NAPB: variants seen among roughly 807,000 people sequenced by gnomAD.
NAPB encodes NSF attachment protein beta.
NAPB carries 26 observed loss-of-function variants against 44.7 expected under a neutral mutation model. That is an observed-to-expected ratio of 0.58 (90% CI 0.43 to 0.81). The LOEUF is 0.81. NAPB is among the 30% of genes least tolerant of loss of function. The pLI is 0.00. For synonymous variants in NAPB, 120 were observed against 116.8 expected (o/e 1.03, Z -0.18); for missense variants, 315 against 356.4 (o/e 0.88, Z 0.94).
At chr20:23,401,874 C>CT (rs1160288942) in intron 2 of NAPB, among the ~76,000 whole-genome samples, 1 of 152,152 alleles carries the variant, frequency 6.6e-6, no homozygotes, top group African/African-American at 2.4e-5. Context: ...GAGTGAGACT[C>CT]TGTCTCGAAT....
intron 1 of NAPB, among the ~76,000 whole-genome samples, chr20:23,404,371 G>T (rs79614827): frequency 2.6e-5 from 4 of 152,162 alleles, no homozygotes; most frequent in Non-Finnish European, 5.9e-5. Flanking sequence ...ACATGAAAGA[G>T]TGCACACACG....
At chr20:23,382,685 G>A (rs1983112772) in intron 7 of NAPB, among the ~76,000 whole-genome samples, 1 of 151,474 alleles carries the variant, frequency 6.6e-6, no homozygotes, top group African/African-American at 2.4e-5. Flanking sequence ...CATAAAAAGT[G>A]GGTGGGCTCA....
In NAPB at chr20:23,421,285, A is replaced by T; in HGVS notation, c.98+20T>A. 6.8e-7 allele frequency: 1 copy of T among 1,480,466 alleles called. No individual in the cohort carries two copies. The highest frequency in any genetic ancestry group is 9.2e-7 in the Non-Finnish European group (1 of 1,085,962). The allele number at this position is 1,480,466 out of a possible 1,614,324, so 91.7% of individuals were successfully genotyped here. A position where few individuals can be genotyped will look rare whatever the true frequency, so the allele number is the denominator to read the frequency against. On this transcript the variant is annotated intron_variant, in intron 1 of 10. Coordinates refer to ENST00000377026, the MANE Select transcript of NAPB (RefSeq NM_022080.3). ...TACGGAGACCCCCCCCCCCCAGGGC[A>T]CGCACGGTCTGGCGCTCACCCAAAC...
intron 2 of NAPB, among the ~76,000 whole-genome samples, chr20:23,397,676 A>C (rs1000519003): frequency 2.6e-5 from 4 of 152,274 alleles, no homozygotes; most frequent in Non-Finnish European, 4.4e-5. Flanking sequence ...TTTCCTAAAA[A>C]GTGAAAATCA....
At chr20:23,401,239 T>C (rs1443944523) in intron 2 of NAPB, among the ~76,000 whole-genome samples, 2 of 152,178 alleles carry the variant, frequency 1.3e-5, no homozygotes, top group African/African-American at 4.8e-5. Context: ...TTTGGAATGA[T>C]ATGACCTTAC....
Position 23,376,594 on chromosome 20 carries a change from T to C in NAPB, c.*782A>G, listed in dbSNP as rs1448709870. The stretch of plus-strand genomic sequence containing the variant: ...GCCAATTAAAATACTTCAATGTAAA[T>C]ATAAAGGGATTTCCACTCCAACTAA... On this transcript the variant is annotated 3_prime_UTR_variant, in exon 11 of 11. Transcript: ENST00000377026. The C allele has an allele frequency of 2.0e-5, 3 of 152,218 alleles. No individual in the cohort carries two copies. In the South Asian group the frequency reaches 6.2e-4, roughly 32 times the overall value. The allele number at this position is 152,218 out of a possible 1,614,324, so 9.4% of individuals were successfully genotyped here.
chr20:23,400,285 G>A (rs1984735142), intron 2 of NAPB, among the ~76,000 whole-genome samples: 1 of 152,210 alleles, frequency 6.6e-6, no homozygotes, highest in Non-Finnish European at 1.5e-5. Context: ...CACTTAGGGT[G>A]GATCAGGCAC....
rs181958796 is a variant in NAPB at position 23,408,681 on chromosome 20, G to A, written c.99-5609C>T. Among the ~76,000 whole-genome samples the A allele has an allele frequency of 3.7e-4, 57 of 152,284 alleles. 1 individual carries two copies. The East Asian group carries it at 0.01, about 28-fold the overall frequency. On this transcript the variant is annotated intron_variant, in intron 1 of 10. Transcript: ENST00000377026. ...TTAAAACAGTACAAATCTTTTATGT[G>A]ATGCAAAAGTAGAGATTTCTTCCGT...
chr20:23,417,990 G>A (rs1293305507), intron 1 of NAPB, among the ~76,000 whole-genome samples: 1 of 152,154 alleles, frequency 6.6e-6, no homozygotes, highest in Non-Finnish European at 1.5e-5. Flanking sequence ...ATACAGTATT[G>A]CCACAAAACC....
At chr20:23,413,922 T>A (rs56693860) in intron 1 of NAPB, among the ~76,000 whole-genome samples, 17,239 of 151,270 alleles carry the variant, frequency 0.11, 1,716 homozygotes, top group African/African-American at 0.27. Context: ...AAGAAAAACA[T>A]CCACATTATT....
chr20:23,383,760 CA>C (rs1983235055), intron 7 of NAPB, among the ~76,000 whole-genome samples: 1 of 152,008 alleles, frequency 6.6e-6, no homozygotes. Flanking sequence ...ACATGGTAAG[CA>C]AAAATATGGG....
intron 1 of NAPB, among the ~76,000 whole-genome samples, chr20:23,418,372 G>C (rs907103720): frequency 6.6e-6 from 1 of 152,178 alleles, no homozygotes; most frequent in African/African-American, 2.4e-5. Flanking sequence ...TTCCAGTCTA[G>C]AAAGGTGATG....
At position 23,421,392 on chromosome 20, in the gene NAPB, G is replaced by C. The variant is rs1039228868; in HGVS notation, c.11C>G (p.Ala4Gly). The change falls in exon 1 of 11, where the codon GCG (alanine) becomes GGG (glycine). Residue 4 changes from alanine to glycine, a missense_variant. Around this residue, in one of 3 missense-constraint regions of NAPB, gnomAD observed 179 missense variants for 182.5 expected, o/e 0.98. Coordinates refer to ENST00000377026, the MANE Select transcript of NAPB (RefSeq NM_022080.3). MDN[A>G]GKEREAVQLM... is the part of the protein sequence containing the mutation. ...CTGTACTGCCTCACGCTCCTTCCCC[G>C]CGTTGTCCATGTCGCCCGCCGCGGC... 6 of 1,546,192 alleles carry C rather than the reference G, an allele frequency of 3.9e-6. No homozygotes were observed. The African/African-American group carries it at 6.9e-5, about 18-fold the overall frequency.
Position 23,376,445 on chromosome 20 carries a change from A to G in NAPB, c.*931T>C, listed in dbSNP as rs1982527418. ...TACAATAAACAGGAAAATTACATAC[A>G]TTCATTCTCAAGCTTGACTTAGATA... On this transcript the variant is annotated 3_prime_UTR_variant, in exon 11 of 11. Transcript: ENST00000377026. 1 of 152,222 alleles carries G rather than the reference A, an allele frequency of 6.6e-6. No individual in the cohort carries two copies. The highest frequency in any genetic ancestry group is 6.5e-5 in the Admixed American group (1 of 15,286). The allele number at this position is 152,222 out of a possible 1,614,324, so 9.4% of individuals were successfully genotyped here.
intron 7 of NAPB, among the ~76,000 whole-genome samples, chr20:23,385,757 G>A (rs1983462309): frequency 6.8e-6 from 1 of 147,834 alleles, no homozygotes; most frequent in Non-Finnish European, 1.5e-5. Flanking sequence ...GAGAGAGAAA[G>A]AGAGAAAGAG....
intron 8 of NAPB, 98 bp downstream of exon 8, chr20:23,381,115 G>A (rs1024075742): frequency 1.2e-6 from 1 of 820,766 alleles, no homozygotes; most frequent in Non-Finnish European, 2.1e-6. Context: ...GTTTATTCTT[G>A]GTACTAACAT....
intron 1 of NAPB, among the ~76,000 whole-genome samples, chr20:23,415,549 A>G (rs1449382850): frequency 1.3e-5 from 2 of 152,158 alleles, no homozygotes; most frequent in Non-Finnish European, 2.9e-5. Context: ...AGCCAAGATC[A>G]TGCCACTGCA....
intron 1 of NAPB, 94 bp downstream of exon 1, chr20:23,421,211 A>C: frequency 9.2e-7 from 1 of 1,082,738 alleles, no homozygotes; most frequent in Non-Finnish European, 1.3e-6. Context: ...AGGGCCCCAG[A>C]GGTTGCGTGG....
chr20:23,395,278 T>A, intron 3 of NAPB, 93 bp from the exon 4 acceptor site: 1 of 1,322,752 alleles, frequency 7.6e-7, no homozygotes, highest in Non-Finnish European at 1.1e-6. Flanking sequence ...ATCAGAACGT[T>A]AATGAGGTAT....
Sources: gnomAD v4.1 joint callset for allele counts (sites outside exome capture counted in the v4.1 genomes callset) on GRCh38, gnomAD v4.1.1 for gene constraint, gnomAD v4.1.1 regional missense constraint, MANE v1.5 for transcripts, NCBI Gene and HGNC (gene_info 2026-07-23, HGNC 2026-07-21) for gene names.